RAD51B: variants seen among roughly 807,000 people sequenced by gnomAD.
The protein encoded by RAD51B is RAD51 paralog B.
Under a neutral mutation model 42.2 loss-of-function variants are expected in RAD51B, and 38 were observed. The observed-to-expected ratio is 0.90, with a 90% CI of 0.70 to 1.18. The LOEUF is 1.18. RAD51B is among the 50% of genes most tolerant of loss of function. The pLI is 0.00. For synonymous variants in RAD51B, 154 were observed against 145.2 expected (o/e 1.06, Z -0.43); for missense variants, 373 against 400.7 (o/e 0.93, Z 0.59).
chr14:68,070,420 T>C (rs1380203453), intron 7 of RAD51B, among the ~76,000 whole-genome samples: 7 of 152,206 alleles, frequency 4.6e-5, no homozygotes, highest in African/African-American at 1.7e-4. Flanking sequence ...AGGTTTTACA[T>C]TTAAGTCTTT....
intron 8 of RAD51B, among the ~76,000 whole-genome samples, chr14:68,401,329 A>C (rs1261708571): frequency 1.3e-5 from 2 of 152,206 alleles, no homozygotes; most frequent in African/African-American, 4.8e-5. Context: ...GTATTTTGTT[A>C]AGACTCTGGG....
chr14:68,560,827 C>T (rs936413425), intron 10 of RAD51B, among the ~76,000 whole-genome samples: 4 of 152,196 alleles, frequency 2.6e-5, no homozygotes, highest in African/African-American at 7.2e-5. Flanking sequence ...CTCTCCATCT[C>T]CACCCTGCTC....
chr14:67,949,118 T>C (rs1235191744), intron 7 of RAD51B, among the ~76,000 whole-genome samples: 1 of 152,066 alleles, frequency 6.6e-6, no homozygotes, highest in Non-Finnish European at 1.5e-5. Context: ...TTGGGGTGGC[T>C]GTATCAGTTT....
chr14:68,362,885 A>G (rs1013828897), intron 8 of RAD51B, among the ~76,000 whole-genome samples: 3 of 151,988 alleles, frequency 2.0e-5, no homozygotes, highest in African/African-American at 7.3e-5. Context: ...ACGAACAGAA[A>G]TGTTGTTAGC....
intron 10 of RAD51B, among the ~76,000 whole-genome samples, chr14:68,601,905 C>T (rs1436695758): frequency 6.6e-6 from 1 of 152,112 alleles, no homozygotes; most frequent in African/African-American, 2.4e-5. Context: ...CATCATTGAC[C>T]CCAAACCAAT....
Position 68,580,661 on chromosome 14 carries a change from C to T in RAD51B, c.1037-13824C>T, listed in dbSNP as rs144716551. Among the ~76,000 whole-genome samples, 394 of 152,304 alleles carry T rather than the reference C, an allele frequency of 2.6e-3. 5 individuals are homozygous for T. Among genetic ancestry groups the T allele is most frequent in the African/African-American group, 8.6e-3 (356 of 41,556 alleles). Reference sequence around the variant, plus strand: ...GAACCCCTGCCGTCCTAGGTGCACACGCCTGCCCCACACCTCCCACTGTCC... The same window carrying T: ...GAACCCCTGCCGTCCTAGGTGCACATGCCTGCCCCACACCTCCCACTGTCC... On this transcript the variant is annotated intron_variant, in intron 10 of 10. Coordinates refer to the RAD51B transcript ENST00000487270.
At chr14:68,410,500 C>T (rs1328964893) in intron 8 of RAD51B, among the ~76,000 whole-genome samples, 1 of 152,206 alleles carries the variant, frequency 6.6e-6, no homozygotes, top group Non-Finnish European at 1.5e-5. Context: ...CAACTGTGCC[C>T]TCCTAAGGTT....
At chr14:68,041,094 G>T (rs1190065547) in intron 7 of RAD51B, among the ~76,000 whole-genome samples, 1 of 152,140 alleles carries the variant, frequency 6.6e-6, no homozygotes, top group Admixed American at 6.5e-5. Flanking sequence ...CTGTTCTTGT[G>T]ATAGTGAGTG....
intron 10 of RAD51B, among the ~76,000 whole-genome samples, chr14:68,546,864 C>T (rs375647400): frequency 3.9e-5 from 6 of 152,250 alleles, no homozygotes; most frequent in African/African-American, 1.4e-4. Context: ...CAGTTCTTAC[C>T]ATGTTAATGT....
chr14:68,268,236 G>A (rs183712050), intron 7 of RAD51B, among the ~76,000 whole-genome samples: 1 of 152,318 alleles, frequency 6.6e-6, no homozygotes, highest in East Asian at 1.9e-4. Flanking sequence ...CTATTAAAAT[G>A]CATGTATGTG....
At chr14:68,050,344 T>G (rs1281030323) in intron 7 of RAD51B, among the ~76,000 whole-genome samples, 1 of 152,130 alleles carries the variant, frequency 6.6e-6, no homozygotes, top group Non-Finnish European at 1.5e-5. Context: ...GCACTATATA[T>G]CCTTTTCCTC....
At chr14:67,873,440 A>T (rs1049567412) in intron 5 of RAD51B, among the ~76,000 whole-genome samples, 82 of 150,564 alleles carry the variant, frequency 5.4e-4, no homozygotes, top group Non-Finnish European at 1.1e-3. Flanking sequence ...AGGAAACAAC[A>T]GGTGCTGGAG....
chr14:68,526,661 C>T (rs1039327952), intron 10 of RAD51B, among the ~76,000 whole-genome samples: 2 of 152,238 alleles, frequency 1.3e-5, no homozygotes, highest in South Asian at 2.1e-4. Context: ...TGCTGACTCA[C>T]GCCCACTGGC....
At chr14:68,456,620 T>C (rs2085693050) in intron 9 of RAD51B, among the ~76,000 whole-genome samples, 1 of 152,114 alleles carries the variant, frequency 6.6e-6, no homozygotes, top group South Asian at 2.1e-4. Flanking sequence ...GAAATAGAAA[T>C]TCAATGATAA....
chr14:68,231,183 A>G (rs2080142225), intron 7 of RAD51B, among the ~76,000 whole-genome samples: 1 of 152,202 alleles, frequency 6.6e-6, no homozygotes, highest in Non-Finnish European at 1.5e-5. Flanking sequence ...TGTTTTCTCA[A>G]CTGTATTTAC....
In RAD51B at chr14:68,145,613, C is replaced by T. The variant is rs549075246; in HGVS notation, c.757-146271C>T. On this transcript the variant is annotated intron_variant, in intron 7 of 10. Coordinates refer to ENST00000471583, the MANE Select transcript of RAD51B (RefSeq NM_133510.4). ...TTTCATTATTGGGTATTCTGAGCCTCTCTTGTTCAGTAGTATTTTCTTGAA... is the reference window on the plus strand; with the variant it reads ...TTTCATTATTGGGTATTCTGAGCCTTTCTTGTTCAGTAGTATTTTCTTGAA... Among the ~76,000 whole-genome samples the T allele has an allele frequency of 2.6e-5, 4 of 152,276 alleles. No homozygotes were observed. In the South Asian group the frequency reaches 6.2e-4, roughly 24 times the overall value.
At chr14:68,456,108 A>T (rs946549670) in intron 9 of RAD51B, among the ~76,000 whole-genome samples, 18 of 152,256 alleles carry the variant, frequency 1.2e-4, no homozygotes, top group Non-Finnish European at 4.4e-5. Context: ...AAAATTGTAC[A>T]CTAGAAAAAT....
intron 7 of RAD51B, among the ~76,000 whole-genome samples, chr14:68,220,783 C>T (rs1437833890): frequency 6.6e-6 from 1 of 152,150 alleles, no homozygotes; most frequent in African/African-American, 2.4e-5. Context: ...AATTAACATA[C>T]ACAAATCAGT....
chr14:68,611,562 GAGGAAAGGT>G, exon 11 of RAD51B: 1 of 428,130 alleles, frequency 2.3e-6, no homozygotes, highest in Non-Finnish European at 4.3e-6. Context: ...CAGCTCCTAG[GAGGAAAGGT>G]ACCATATAGA....
Sources: allele counts gnomAD v4.1 joint callset (sites outside exome capture counted in the v4.1 genomes callset), GRCh38; gene constraint gnomAD v4.1.1; transcripts MANE v1.5; gene names NCBI Gene and HGNC (gene_info 2026-07-23, HGNC 2026-07-21).